BICD1: variants seen among roughly 807,000 people sequenced by gnomAD.
The protein encoded by BICD1 is BICD cargo adaptor 1.
In BICD1, 35 loss-of-function variants were observed where a neutral mutation model predicts 92.5. The ratio of observed to expected loss-of-function variants is 0.38; its 90% CI spans 0.29 to 0.50. BICD1 has a LOEUF of 0.50. Ranked by LOEUF, BICD1 falls within the 20% of genes least tolerant of loss-of-function variation. The pLI, the probability that BICD1 is intolerant of heterozygous loss-of-function variation, is 0.93. For synonymous variants in BICD1, 429 were observed against 465.1 expected, an observed-to-expected ratio of 0.92 and a Z score of 1.00; for missense variants, 950 against 1,189.8, an observed-to-expected ratio of 0.80 and a Z score of 2.97.
intron 2 of BICD1, among the ~76,000 whole-genome samples, chr12:32,235,195 C>A (rs1946027477): frequency 6.6e-6 from 1 of 152,102 alleles, no homozygotes; most frequent in African/African-American, 2.4e-5. Flanking sequence ...GTGTGTCTGT[C>A]TAAGAATGGG....
chr12:32,326,661 G>A (rs567897272), intron 4 of BICD1, among the ~76,000 whole-genome samples: 2 of 152,302 alleles, frequency 1.3e-5, no homozygotes, highest in Admixed American at 1.3e-4. Context: ...GAGGCAGGGG[G>A]CTGACATGCG....
chr12:32,322,190 G>T (rs1048846758), intron 4 of BICD1, among the ~76,000 whole-genome samples: 4 of 151,580 alleles, frequency 2.6e-5, no homozygotes, highest in Admixed American at 6.6e-5. Context: ...AATATATATA[G>T]ATAGATAGAT....
At chr12:32,236,222 A>T (rs947921685) in intron 2 of BICD1, among the ~76,000 whole-genome samples, 1 of 151,188 alleles carries the variant, frequency 6.6e-6, no homozygotes, top group East Asian at 2.0e-4. Context: ...GTGAAACCCC[A>T]TCTCTACTAA....
Position 32,334,589 on chromosome 12 carries a change from C to T in BICD1, c.2174C>T (p.Thr725Met), listed in dbSNP as rs112529809. 2 of 1,612,294 alleles carry T rather than the reference C, an allele frequency of 1.2e-6. No homozygotes were observed. Among genetic ancestry groups the T allele is most frequent in the Non-Finnish European group, 1.7e-6 (2 of 1,179,262 alleles). The change falls in exon 6 of 10, where the codon ACG becomes ATG. Residue 725 changes from threonine (T) to methionine (M), a missense_variant. Around this residue, in one of 5 missense-constraint regions of BICD1, gnomAD observed 309 missense variants for 499.4 expected, o/e 0.62. Transcript: ENST00000652176. ...NEKAMVTETMTKLRNELKALK... is the reference protein window; with the variant it reads ...NEKAMVTETMMKLRNELKALK... Reference sequence around the variant, plus strand: ...AAAGCAATGGTGACTGAAACCATGACGAAGCTTAGAAATGAACTGAAGGCT... The same window carrying T: ...AAAGCAATGGTGACTGAAACCATGATGAAGCTTAGAAATGAACTGAAGGCT...
intron 8 of BICD1, chr12:32,340,435 A>C (rs903581259): frequency 1.0e-6 from 1 of 985,458 alleles, no homozygotes; most frequent in Non-Finnish European, 1.2e-6. Flanking sequence ...CAGGATACCT[A>C]ACTCGGATAA....
chr12:32,208,429 C>A (rs1945124312), intron 1 of BICD1, among the ~76,000 whole-genome samples: 1 of 152,202 alleles, frequency 6.6e-6, no homozygotes, highest in African/African-American at 2.4e-5. Flanking sequence ...AATGGAGTCA[C>A]AGAATGTTAT....
chr12:32,220,218 G>A (rs1222893927), intron 2 of BICD1, among the ~76,000 whole-genome samples: 2 of 152,084 alleles, frequency 1.3e-5, no homozygotes, highest in Admixed American at 1.3e-4. Flanking sequence ...AAAAGCAATG[G>A]CAACAAAAGA....
chr12:32,298,511 G>C lies in BICD1; in HGVS notation c.579+4365G>C, dbSNP rs1433154106. Among the ~76,000 whole-genome samples, 3 of 139,854 alleles carry C rather than the reference G, an allele frequency of 2.1e-5. No homozygotes were observed. The East Asian group carries it at 6.3e-4, about 29-fold the overall frequency. The allele number at this position is 139,854 out of a possible 152,430, so 91.7% of individuals were successfully genotyped here. A position where few individuals can be genotyped will look rare whatever the true frequency, so the allele number is the denominator to read the frequency against. On this transcript the variant is annotated intron_variant, in intron 3 of 9. Transcript: ENST00000652176. ...ACCCAGGAGGCGGAGGTTGCAGTGAGCCGAGATCACGCCACTGCACTGCAG... is the reference window on the plus strand; with the variant it reads ...ACCCAGGAGGCGGAGGTTGCAGTGACCCGAGATCACGCCACTGCACTGCAG...
chr12:32,116,979 ATTATG>A (rs66682018), intron 1 of BICD1, among the ~76,000 whole-genome samples: 40,052 of 151,566 alleles, frequency 0.26, 5,778 homozygotes, highest in Middle Eastern at 0.36. Context: ...GATCTCACCT[ATTATG>A]TTATAGAACT....
At chr12:32,115,486 G>GT (rs1256168656) in intron 1 of BICD1, among the ~76,000 whole-genome samples, 1 of 151,686 alleles carries the variant, frequency 6.6e-6, no homozygotes, top group Non-Finnish European at 1.5e-5. Flanking sequence ...CAAAAGGCAG[G>GT]TATTTACGAG....
Position 32,107,102 on chromosome 12 carries a change from C to G in BICD1, c.-230C>G, listed in dbSNP as rs1043508960. ...ACACATGCGGCGGCCTTTGCCGCCTCGCCCCTGACCCTCTGCCCTGTTCTC... is the reference window on the plus strand; with the variant it reads ...ACACATGCGGCGGCCTTTGCCGCCTGGCCCCTGACCCTCTGCCCTGTTCTC... On this transcript the variant is annotated 5_prime_UTR_variant, in exon 1 of 10. Transcript: ENST00000652176. 5.6e-6 allele frequency: 3 copies of G among 534,156 alleles called. No individual in the cohort carries two copies. In the African/African-American group the frequency reaches 5.7e-5, roughly 10 times the overall value. 33.1% of individuals were successfully genotyped at this position (534,156 alleles called of 1,614,324 possible).
intron 8 of BICD1, 84 bp downstream of exon 8, chr12:32,339,063 C>G (rs1397714976): frequency 6.3e-6 from 9 of 1,436,728 alleles, no homozygotes; most frequent in Non-Finnish European, 8.1e-6. Flanking sequence ...TCAGGCTCAC[C>G]CAGCTGCAGA....
intron 1 of BICD1, among the ~76,000 whole-genome samples, chr12:32,129,362 A>G (rs560033019): frequency 1.3e-5 from 2 of 151,410 alleles, no homozygotes; most frequent in East Asian, 3.9e-4. Flanking sequence ...TGTCTCTACT[A>G]AAAATAAAAA....
intron 1 of BICD1, among the ~76,000 whole-genome samples, chr12:32,148,157 C>A (rs1232111062): frequency 1.2e-3 from 41 of 33,098 alleles, no homozygotes; most frequent in African/African-American, 3.3e-3. Flanking sequence ...AAAAAAGAAT[C>A]TGAGAAGCAG....
intron 2 of BICD1, among the ~76,000 whole-genome samples, chr12:32,242,514 G>A (rs914960972): frequency 2.3e-4 from 35 of 151,556 alleles, no homozygotes; most frequent in African/African-American, 8.0e-4. Context: ...CCGACAGAGC[G>A]AGACTCTGTC....
chr12:32,187,254 A>G (rs1286017396), intron 1 of BICD1, among the ~76,000 whole-genome samples: 1 of 152,220 alleles, frequency 6.6e-6, no homozygotes, highest in Non-Finnish European at 1.5e-5. Flanking sequence ...TTGCAAATCA[A>G]TTTATCAGGA....
At chr12:32,348,167 A>G (rs745698149) in intron 8 of BICD1, among the ~76,000 whole-genome samples, 2 of 152,182 alleles carry the variant, frequency 1.3e-5, no homozygotes, top group Non-Finnish European at 2.9e-5. Flanking sequence ...TCCAGAAATT[A>G]CATTTCCTTA....
chr12:32,377,936 C>T lies in BICD1; in HGVS notation c.*309C>T, dbSNP rs201218882. ...CAGATGGCTGGCTTTACCTCGATAG[C>T]ATAAGAGAGACCTAAGACATGTAAA... On this transcript the variant is annotated 3_prime_UTR_variant, in exon 10 of 10. Transcript: ENST00000652176. 85 of 270,528 alleles carry T rather than the reference C, an allele frequency of 3.1e-4. No individual in the cohort carries two copies. Among genetic ancestry groups the T allele is most frequent in the Non-Finnish European group, 4.7e-4 (65 of 139,672 alleles). The allele number at this position is 270,528 out of a possible 1,614,324, so 16.8% of individuals were successfully genotyped here.
Position 32,372,318 on chromosome 12 carries a change from A to T in BICD1, c.2840+4573A>T, listed in dbSNP as rs527467890. Among the ~76,000 whole-genome samples the T allele has an allele frequency of 2.2e-4, 34 of 152,208 alleles. 1 individual carries two copies. In the East Asian group the frequency reaches 6.4e-3, roughly 29 times the overall value. On this transcript the variant is annotated intron_variant, in intron 9 of 9. Transcript: ENST00000652176. ...AATATGGTGAAACGGCATCTCTACT[A>T]AAAATACAGAAATTAGCCAGGCATG...
Sources: allele counts gnomAD v4.1 joint callset (sites outside exome capture counted in the v4.1 genomes callset), GRCh38; gene constraint gnomAD v4.1.1; regional missense constraint gnomAD v4.1.1; transcripts MANE v1.5; gene names NCBI Gene and HGNC (gene_info 2026-07-23, HGNC 2026-07-21).